PRICKLE2: variants seen among roughly 807,000 people sequenced by gnomAD.
The protein encoded by PRICKLE2 is prickle-like protein 2.
Under a neutral mutation model 81.4 loss-of-function variants are expected in PRICKLE2, and 21 were observed. That is an observed-to-expected ratio of 0.26 (90% confidence interval 0.18 to 0.37). The LOEUF is 0.37. Among genes scored for constraint, PRICKLE2 ranks in the 10% least tolerant of loss-of-function variants. The pLI, the probability that PRICKLE2 is intolerant of heterozygous loss-of-function variation, is 1.00. For synonymous variants in PRICKLE2, 456 were observed against 421.5 expected, an observed-to-expected ratio of 1.08 and a Z score of -1.00; for missense variants, 940 against 1,109.0, an observed-to-expected ratio of 0.85 and a Z score of 2.16.
chr3:64,140,308 T>C (rs2107002702), intron 7 of PRICKLE2, among the ~76,000 whole-genome samples: 1 of 152,318 alleles, frequency 6.6e-6, no homozygotes, highest in Non-Finnish European at 1.5e-5. Flanking sequence ...CTCATACTAT[T>C]CTGCTATAAC....
At chr3:64,255,675 T>C (rs2079515249) in intron 2 of PRICKLE2, among the ~76,000 whole-genome samples, 1 of 152,180 alleles carries the variant, frequency 6.6e-6, no homozygotes, top group Non-Finnish European at 1.5e-5. Context: ...TCTAGTTACT[T>C]ACCTCAGCAT....
intron 2 of PRICKLE2, among the ~76,000 whole-genome samples, chr3:64,249,972 C>T (rs765640281): frequency 6.6e-6 from 1 of 152,192 alleles, no homozygotes; most frequent in African/African-American, 2.4e-5. Flanking sequence ...AGCTTAATGA[C>T]GTGCTCAAGG....
intron 2 of PRICKLE2, among the ~76,000 whole-genome samples, chr3:64,257,054 G>C (rs1337853365): frequency 6.6e-6 from 1 of 152,128 alleles, no homozygotes; most frequent in Non-Finnish European, 1.5e-5. Flanking sequence ...GGAACCCTGG[G>C]CAAAGTCACA....
chr3:64,202,844 C>A (rs1054541429), intron 1 of PRICKLE2, among the ~76,000 whole-genome samples: 2 of 152,048 alleles, frequency 1.3e-5, no homozygotes, highest in African/African-American at 4.8e-5. Context: ...TTGTTGTGTT[C>A]TTGATCTTAA....
intron 1 of PRICKLE2, among the ~76,000 whole-genome samples, chr3:64,218,796 T>C (rs1313301298): frequency 6.6e-6 from 1 of 152,166 alleles, no homozygotes; most frequent in African/African-American, 2.4e-5. Flanking sequence ...TCTATGCCTA[T>C]TATAAAGGTA....
chr3:64,249,527 A>C (rs928607025), intron 2 of PRICKLE2, among the ~76,000 whole-genome samples: 3 of 152,220 alleles, frequency 2.0e-5, no homozygotes, highest in Non-Finnish European at 4.4e-5. Flanking sequence ...GGCTCAGTAC[A>C]AAAGATTAAT....
intron 7 of PRICKLE2, among the ~76,000 whole-genome samples, chr3:64,121,550 A>AAG (rs1227981971): frequency 1.3e-5 from 2 of 151,912 alleles, no homozygotes; most frequent in African/African-American, 4.8e-5. Context: ...AGAAAAAAAA[A>AAG]AAATCAGTGA....
chr3:64,229,562 G>C (rs1409219066), upstream of PRICKLE2, among the ~76,000 whole-genome samples: 2 of 152,144 alleles, frequency 1.3e-5, no homozygotes, highest in Non-Finnish European at 2.9e-5. Flanking sequence ...GAACTGACAT[G>C]GGTCACTCAA....
chr3:64,163,233 T>C, intron 2 of PRICKLE2, 104 bp from the exon 3 acceptor site: 1 of 787,922 alleles, frequency 1.3e-6, no homozygotes. Flanking sequence ...AACTGACTTC[T>C]GCAGTCCTGA....
chr3:64,163,250 A>C, intron 2 of PRICKLE2, 121 bp from the exon 3 acceptor site: 1 of 754,660 alleles, frequency 1.3e-6, no homozygotes, highest in Non-Finnish European at 2.4e-6. Context: ...CTGACTCTTT[A>C]TGAAAGTCAA....
At chr3:64,213,458 A>T (rs976452509) in intron 1 of PRICKLE2, among the ~76,000 whole-genome samples, 6 of 152,226 alleles carry the variant, frequency 3.9e-5, no homozygotes, top group African/African-American at 1.4e-4. Context: ...TGAATCAAGG[A>T]CTTTAGAGTT....
At chr3:64,100,647 A>G (rs1376409805) in intron 7 of PRICKLE2, 1 of 152,244 alleles carries the variant, frequency 6.6e-6, no homozygotes, top group African/African-American at 2.4e-5. Flanking sequence ...TTTCAAAAGT[A>G]AAGCAGTGGG....
chr3:64,092,879 C>T lies in PRICKLE2; in HGVS notation c.*6172G>A, dbSNP rs972685457. 1.3e-5 allele frequency: 2 copies of T among 152,166 alleles called. No homozygotes were observed. The highest frequency in any genetic ancestry group is 1.3e-4 in the Admixed American group (2 of 15,278). 9.4% of individuals were successfully genotyped at this position (152,166 alleles called of 1,614,324 possible). A position where few individuals can be genotyped will look rare whatever the true frequency, so the allele number is the denominator to read the frequency against. On this transcript the variant is annotated 3_prime_UTR_variant, in exon 8 of 8. Transcript: ENST00000638394. ...ACATTTTTAATTGTGGTTAAATAAA[C>T]ATAATATAAAATTTACCATCTTAAC...
intron 7 of PRICKLE2, among the ~76,000 whole-genome samples, chr3:64,104,994 A>C (rs1452811136): frequency 2.6e-5 from 4 of 152,166 alleles, no homozygotes; most frequent in Non-Finnish European, 5.9e-5. Flanking sequence ...TTAAGGCCCT[A>C]CGTGACTTGG....
intron 7 of PRICKLE2, among the ~76,000 whole-genome samples, chr3:64,107,963 T>C (rs1465588280): frequency 6.6e-6 from 1 of 152,246 alleles, no homozygotes; most frequent in African/African-American, 2.4e-5. Flanking sequence ...ATTTTCTTTT[T>C]TGCTGAGATA....
At chr3:64,120,468 G>A (rs1274697288) in intron 7 of PRICKLE2, among the ~76,000 whole-genome samples, 1 of 152,062 alleles carries the variant, frequency 6.6e-6, no homozygotes, top group Non-Finnish European at 1.5e-5. Context: ...CATGGGTGAG[G>A]GTAGGAGTCA....
chr3:64,238,485 C>CAA (rs11291908), intron 2 of PRICKLE2, among the ~76,000 whole-genome samples: 1 of 104,498 alleles, frequency 9.6e-6, no homozygotes, highest in African/African-American at 3.4e-5. Flanking sequence ...GACTCCGTCT[C>CAA]AAAAAAAAAA....
rs554260007 is a variant in PRICKLE2 at position 64,111,430 on chromosome 3, C to G, written c.1661-11505G>C. ...TGAGAACTCTTCTCCCACCTCCTGC[C>G]TTTTATTACTGTGAATACAAAAAGT... On this transcript the variant is annotated intron_variant, in intron 7 of 7. Coordinates refer to ENST00000638394, the MANE Select transcript of PRICKLE2 (RefSeq NM_198859.4). Among the ~76,000 whole-genome samples, 45 of 152,268 alleles carry G rather than the reference C, an allele frequency of 3.0e-4. No individual in the cohort carries two copies. In the South Asian group the frequency reaches 8.3e-3, roughly 28 times the overall value.
At chr3:64,135,177 T>C (rs1454812457) in intron 7 of PRICKLE2, among the ~76,000 whole-genome samples, 1 of 152,188 alleles carries the variant, frequency 6.6e-6, no homozygotes, top group Non-Finnish European at 1.5e-5. Flanking sequence ...CCCTCAGACT[T>C]AGCACAGCTG....
Sources: gnomAD v4.1 joint callset for allele counts (sites outside exome capture counted in the v4.1 genomes callset) on GRCh38, gnomAD v4.1.1 for gene constraint, MANE v1.5 for transcripts, NCBI Gene and HGNC (gene_info 2026-07-23, HGNC 2026-07-21) for gene names.